The following YEATS4 variants were observed in gnomAD, a reference collection of about 807,000 sequenced individuals.
YEATS4 encodes YEATS domain containing 4, also known as YEATS domain-containing protein 4.
Under a neutral mutation model 30.1 loss-of-function variants are expected in YEATS4, and 17 were observed. The ratio of observed to expected loss-of-function variants is 0.56; its 90% CI spans 0.39 to 0.85. The LOEUF is 0.85. Ranked by LOEUF, YEATS4 falls within the 40% of genes least tolerant of loss-of-function variation. The probability of loss-of-function intolerance (pLI) is 0.00; values close to 1 mark genes in which losing one functional copy is unlikely to be tolerated. For synonymous variants in YEATS4, 85 were observed against 87.5 expected, an observed-to-expected ratio of 0.97 and a Z score of 0.16; for missense variants, 142 against 268.3, an observed-to-expected ratio of 0.53 and a Z score of 3.29.
intron 6 of YEATS4, 138 bp downstream of exon 6, chr12:69,371,113 C>G (rs1021393730): frequency 6.7e-6 from 5 of 744,980 alleles, no homozygotes; most frequent in Non-Finnish European, 4.2e-6. Context: ...GTTTGTATTA[C>G]AGTGGAACAT....
chr12:69,407,245 G>T, the YEATS4 span, among the ~76,000 whole-genome samples: 1 of 151,802 alleles, frequency 6.6e-6, no homozygotes, highest in Non-Finnish European at 1.5e-5. Context: ...AAGAGCAAAG[G>T]TTTTATCATC....
At chr12:69,394,824 G>T (rs1202700880), downstream of YEATS4, among the ~76,000 whole-genome samples, 1 of 151,964 alleles carries the variant, frequency 6.6e-6, no homozygotes, top group Admixed American at 6.6e-5. Flanking sequence ...TCAAGCAATC[G>T]GCCCACCTTG....
the YEATS4 span, among the ~76,000 whole-genome samples, chr12:69,397,561 T>A: frequency 6.6e-6 from 1 of 152,230 alleles, no homozygotes; most frequent in African/African-American, 2.4e-5. Flanking sequence ...CCTGCCACCA[T>A]GTAAGACATG....
intron 6 of YEATS4, among the ~76,000 whole-genome samples, chr12:69,385,964 A>C (rs1876260726): frequency 6.6e-6 from 1 of 152,226 alleles, no homozygotes; most frequent in Admixed American, 6.5e-5. Context: ...CACTTAACTA[A>C]TAAGTTGTAA....
At chr12:69,391,839 A>G (rs369226623), downstream of YEATS4, among the ~76,000 whole-genome samples, 26 of 152,332 alleles carry the variant, frequency 1.7e-4, no homozygotes, top group East Asian at 4.1e-3. Flanking sequence ...GGCACAGGCA[A>G]TCATTATTCT....
intron 2 of YEATS4, chr12:69,364,266 A>G (rs1875343262): frequency 4.9e-6 from 2 of 410,010 alleles, no homozygotes; most frequent in Admixed American, 2.8e-5. Context: ...CAGACTGGCA[A>G]CATAGTAAGA....
In YEATS4 at chr12:69,362,013, G is replaced by GTTTTTGTTTTTTTTTGTTTTTT. The variant is rs1555174243; in HGVS notation, c.52-770_52-769insGTTTTTTTTTGTTTTTTTTTTT. Among the ~76,000 whole-genome samples the GTTTTTGTTTTTTTTTGTTTTTT allele has an allele frequency of 1.2e-3, 80 of 68,968 alleles. 8 individuals are homozygous for GTTTTTGTTTTTTTTTGTTTTTT. Among genetic ancestry groups the GTTTTTGTTTTTTTTTGTTTTTT allele is most frequent in the Non-Finnish European group, 1.8e-3 (56 of 31,738 alleles). 45.2% of individuals were successfully genotyped at this position (68,968 alleles called of 152,430 possible). A position where few individuals can be genotyped will look rare whatever the true frequency, so the allele number is the denominator to read the frequency against. On this transcript the variant is annotated intron_variant, in intron 1 of 6. Transcript: ENST00000247843. ...TTTTTAAATTGTAGGGTGTTTGGTT[G>GTTTTTGTTTTTTTTTGTTTTTT]TTTTTTTTTTTTTTTTTTTTTGGAG...
chr12:69,377,882 C>T (rs972833717), intron 6 of YEATS4, among the ~76,000 whole-genome samples: 1 of 152,088 alleles, frequency 6.6e-6, no homozygotes, highest in African/African-American at 2.4e-5. Context: ...CAGATTAAGT[C>T]CAATGGTATT....
At chr12:69,364,087 G>C (rs1875336376) in intron 2 of YEATS4, 2 of 402,714 alleles carry the variant, frequency 5.0e-6, no homozygotes, top group Middle Eastern at 8.1e-4. Flanking sequence ...AGTGCTAATG[G>C]ATATGGCTTT....
chr12:69,415,434 G>A, the YEATS4 span, among the ~76,000 whole-genome samples: 6 of 152,138 alleles, frequency 3.9e-5, no homozygotes, highest in Non-Finnish European at 7.4e-5. Context: ...AATTAGCCGA[G>A]TATGGTGGTG....
chr12:69,391,484 G>A (rs1868314989), downstream of YEATS4, among the ~76,000 whole-genome samples: 2 of 152,054 alleles, frequency 1.3e-5, no homozygotes, highest in Admixed American at 6.6e-5. Flanking sequence ...AGGTATGTTG[G>A]CTGAACCATC....
At chr12:69,397,229 T>G in the YEATS4 span, among the ~76,000 whole-genome samples, 2,144 of 152,296 alleles carry the variant, frequency 0.014, 50 homozygotes, top group African/African-American at 0.049. Context: ...CTGAATTGTG[T>G]CCCTCTTCCA....
At position 69,359,880 on chromosome 12, in the gene YEATS4, C is replaced by G; in HGVS notation, c.-93C>G. 1 of 1,524,616 alleles carries G rather than the reference C, an allele frequency of 6.6e-7. No individual in the cohort carries two copies. The highest frequency in any genetic ancestry group is 2.4e-5 in the East Asian group (1 of 42,442). The allele number at this position is 1,524,616 out of a possible 1,614,324, so 94.4% of individuals were successfully genotyped here. ...TCGGCTAGAAACCCTCCGCCTGGGC[C>G]CGCGCGACAGGAGCGCGGTCTCTGA... On this transcript the variant is annotated 5_prime_UTR_variant, in exon 1 of 7. Transcript: ENST00000247843.
At chr12:69,416,424 G>A in the YEATS4 span, among the ~76,000 whole-genome samples, 3 of 152,226 alleles carry the variant, frequency 2.0e-5, no homozygotes, top group East Asian at 3.9e-4. Flanking sequence ...CAAAACAATC[G>A]GCCCCAAGGA....
chr12:69,371,059 T>TA, intron 6 of YEATS4, 84 bp downstream of exon 6: 3 of 1,362,018 alleles, frequency 2.2e-6, no homozygotes, highest in South Asian at 1.4e-5. Flanking sequence ...TTTTACACTT[T>TA]AAAAAAATGA....
chr12:69,394,954 A>G (rs1868340469), downstream of YEATS4, among the ~76,000 whole-genome samples: 1 of 152,122 alleles, frequency 6.6e-6, no homozygotes, highest in South Asian at 2.1e-4. Context: ...TGCTAACTCT[A>G]CTTTTTAAAT....
At chr12:69,425,483 C>T in the YEATS4 span, among the ~76,000 whole-genome samples, 2 of 152,188 alleles carry the variant, frequency 1.3e-5, no homozygotes, top group African/African-American at 4.8e-5. Context: ...CACACCTTCT[C>T]CTATGGAGTG....
At chr12:69,388,156 G>A (rs183653832) in intron 6 of YEATS4, among the ~76,000 whole-genome samples, 130 of 151,810 alleles carry the variant, frequency 8.6e-4, no homozygotes, top group Non-Finnish European at 1.5e-3. Flanking sequence ...CGCCTCCTGC[G>A]TTCACGCCAT....
intron 1 of YEATS4, among the ~76,000 whole-genome samples, chr12:69,360,614 G>T (rs1396637583): frequency 6.6e-6 from 1 of 151,190 alleles, no homozygotes; most frequent in African/African-American, 2.4e-5. Flanking sequence ...AGACCCTAGC[G>T]TAATGTTTGA....
Sources: allele counts gnomAD v4.1 joint callset (sites outside exome capture counted in the v4.1 genomes callset), GRCh38; gene constraint gnomAD v4.1.1; transcripts MANE v1.5; gene names NCBI Gene and HGNC (gene_info 2026-07-23, HGNC 2026-07-21).